The following ARL6IP1 variants were observed in gnomAD, a reference collection of about 807,000 sequenced individuals.
The protein encoded by ARL6IP1 is ARL6 interacting reticulophagy regulator 1.
Under a neutral mutation model 30.1 loss-of-function variants are expected in ARL6IP1, and 16 were observed. The ratio of observed to expected loss-of-function variants is 0.53; its 90% CI spans 0.36 to 0.81. The LOEUF (loss-of-function observed/expected upper bound fraction) is 0.81. ARL6IP1 is among the 30% of genes least tolerant of loss of function. The pLI, the probability that ARL6IP1 is intolerant of heterozygous loss-of-function variation, is 0.01. For synonymous variants in ARL6IP1, 72 were observed against 84.8 expected (o/e 0.85, Z 0.83); for missense variants, 173 against 242.7 (o/e 0.71, Z 1.91).
At chr16:18,800,442 T>G (rs1026650428) in intron 1 of ARL6IP1, among the ~76,000 whole-genome samples, 3 of 152,206 alleles carry the variant, frequency 2.0e-5, no homozygotes, top group Non-Finnish European at 4.4e-5. Flanking sequence ...TACTTCTCTG[T>G]GCTTCAATTA....
At chr16:18,796,533 G>A (rs563519676) in intron 3 of ARL6IP1, among the ~76,000 whole-genome samples, 1 of 152,322 alleles carries the variant, frequency 6.6e-6, no homozygotes, top group South Asian at 2.1e-4. Context: ...AACTATCAGT[G>A]GTTATTTCTG....
At chr16:18,794,754 TC>T in intron 4 of ARL6IP1, 71 bp from the exon 5 acceptor site, 1 of 1,104,258 alleles carries the variant, frequency 9.1e-7, no homozygotes, top group Admixed American at 2.1e-5. Flanking sequence ...TTTTTATTTG[TC>T]AATTAAAGAA....
intron 1 of ARL6IP1, among the ~76,000 whole-genome samples, chr16:18,801,029 GA>G (rs1424844759): frequency 6.6e-6 from 1 of 152,230 alleles, no homozygotes; most frequent in African/African-American, 2.4e-5. Context: ...GTTTTAGGGG[GA>G]AAAGAAGGCA....
chr16:18,799,971 C>CG lies in ARL6IP1; in HGVS notation c.37-1138dup, dbSNP rs1411565326. 6.6e-5 allele frequency among the ~76,000 whole-genome samples: 10 copies of CG among 152,136 alleles called. No homozygotes were observed. The East Asian group carries it at 7.7e-4, about 12-fold the overall frequency. On this transcript the variant is annotated intron_variant, in intron 1 of 5. Coordinates refer to ENST00000304414, the MANE Select transcript of ARL6IP1 (RefSeq NM_015161.3). ...CCTGTAAACCCAGCACTTGGCGGGT[C>CG]GGGGGGGATTGCTTGAGCCCAGGAG...
intron 4 of ARL6IP1, chr16:18,795,093 C>G: frequency 4.8e-6 from 1 of 210,374 alleles, no homozygotes. Context: ...CAGCTCACTG[C>G]GCAAACACAG....
chr16:18,796,026 T>A (rs1216929727), intron 3 of ARL6IP1, among the ~76,000 whole-genome samples: 1 of 152,218 alleles, frequency 6.6e-6, no homozygotes, highest in Non-Finnish European at 1.5e-5. Context: ...TACTAACTAC[T>A]GGCATTTAAC....
rs763110010 is a variant in ARL6IP1, at chr16:18,798,016, G to A, written c.199C>T (p.Leu67=). The part of the protein sequence containing the change: ...LIIYYLDPSV[L]SGVSCFVMFL... ...ATAACAAAACAGGAAACGCCGGACA[G>A]AACAGATGGATCTAGATAGTAGATA... The change falls in exon 3 of 6, where the codon CTG becomes TTG. Residue 67 remains leucine, a synonymous_variant. Transcript: ENST00000304414. 5.9e-5 allele frequency: 95 copies of A among 1,612,788 alleles called. No homozygotes were observed. The Admixed American group carries it at 1.5e-3, about 26-fold the overall frequency.
intron 3 of ARL6IP1, among the ~76,000 whole-genome samples, chr16:18,796,445 C>CA (rs1448447494): frequency 4.6e-5 from 7 of 152,166 alleles, no homozygotes; most frequent in African/African-American, 1.4e-4. Context: ...TGTGGCTATG[C>CA]AAAAGAGTAT....
At chr16:18,799,259 ACCT>A (rs1325985089) in intron 1 of ARL6IP1, among the ~76,000 whole-genome samples, 1 of 152,108 alleles carries the variant, frequency 6.6e-6, no homozygotes, top group Non-Finnish European at 1.5e-5. Context: ...TGATCCACTC[ACCT>A]CGTCTTCCCA....
chr16:18,796,837 C>CT (rs1252102320), intron 3 of ARL6IP1, among the ~76,000 whole-genome samples: 3 of 152,152 alleles, frequency 2.0e-5, no homozygotes, highest in African/African-American at 7.2e-5. Flanking sequence ...ATTTAAAATT[C>CT]TTATATTTAC....
chr16:18,793,016 C>A lies in ARL6IP1; in HGVS notation c.*236G>T. The A allele has an allele frequency of 2.8e-6, 1 of 352,128 alleles. No homozygotes were observed. Among genetic ancestry groups the A allele is most frequent in the Non-Finnish European group, 5.1e-6 (1 of 194,702 alleles). 21.8% of individuals were successfully genotyped at this position (352,128 alleles called of 1,614,324 possible). A position where few individuals can be genotyped will look rare whatever the true frequency, so the allele number is the denominator to read the frequency against. On this transcript the variant is annotated 3_prime_UTR_variant, in exon 6 of 6. Coordinates refer to ENST00000304414, the MANE Select transcript of ARL6IP1 (RefSeq NM_015161.3). ...TCAATTAACGCTGGGTAAGAAAAGT[C>A]AAAACACTAATGAGTTGTCCATGAA...
intron 4 of ARL6IP1, 59 bp from the exon 5 acceptor site, chr16:18,794,742 A>G: frequency 8.3e-7 from 1 of 1,205,452 alleles, no homozygotes; most frequent in Non-Finnish European, 1.2e-6. Flanking sequence ...AAATATATGT[A>G]ATTTTTATTT....
chr16:18,798,257 T>A (rs1182475181), intron 2 of ARL6IP1: 2 of 425,180 alleles, frequency 4.7e-6, no homozygotes, highest in Non-Finnish European at 8.4e-6. Context: ...ACAAAAGCTC[T>A]TTGGAGTTCT....
intron 2 of ARL6IP1, 140 bp downstream of exon 2, chr16:18,798,561 T>C: frequency 1.1e-6 from 1 of 927,090 alleles, no homozygotes; most frequent in Non-Finnish European, 1.5e-6. Context: ...CTAGAAGTGC[T>C]TATGAGAAAC....
intron 5 of ARL6IP1, 105 bp downstream of exon 5, chr16:18,794,494 C>T: frequency 1.3e-6 from 1 of 744,348 alleles, no homozygotes; most frequent in Admixed American, 2.4e-5. Context: ...CCCACAGTTC[C>T]TTTTCGGTGT....
chr16:18,797,857 T>C, intron 3 of ARL6IP1, 68 bp downstream of exon 3: 1 of 1,562,016 alleles, frequency 6.4e-7, no homozygotes, highest in Non-Finnish European at 8.7e-7. Context: ...ATTTACAGCA[T>C]ACTAATCACA....
chr16:18,798,138 C>T lies in ARL6IP1; in HGVS notation c.171-94G>A, dbSNP rs557698575. The T allele has an allele frequency of 6.1e-5, 75 of 1,220,374 alleles. No individual in the cohort carries two copies. In the African/African-American group the frequency reaches 1.1e-3, roughly 19 times the overall value. 75.6% of individuals were successfully genotyped at this position (1,220,374 alleles called of 1,614,324 possible). A position where few individuals can be genotyped will look rare whatever the true frequency, so the allele number is the denominator to read the frequency against. ...TAACTATTCACTTAACTATTCACCGCCTCTCAGAGATATTTGCCATTTTTC... is the reference window on the plus strand; with the variant it reads ...TAACTATTCACTTAACTATTCACCGTCTCTCAGAGATATTTGCCATTTTTC... On this transcript the variant is annotated intron_variant, in intron 2 of 5. Coordinates refer to ENST00000304414, the MANE Select transcript of ARL6IP1 (RefSeq NM_015161.3).
At chr16:18,800,867 C>G (rs2030385449) in intron 1 of ARL6IP1, among the ~76,000 whole-genome samples, 1 of 151,962 alleles carries the variant, frequency 6.6e-6, no homozygotes, top group South Asian at 2.1e-4. Context: ...CTTCCAAATT[C>G]CAGACAAACG....
chr16:18,801,010 C>A (rs1408409768), intron 1 of ARL6IP1, among the ~76,000 whole-genome samples: 2 of 152,250 alleles, frequency 1.3e-5, no homozygotes, highest in East Asian at 3.8e-4. Flanking sequence ...ACCCTCCACC[C>A]TTGTCCAAGT....
Sources: allele counts gnomAD v4.1 joint callset (sites outside exome capture counted in the v4.1 genomes callset), GRCh38; gene constraint gnomAD v4.1.1; transcripts MANE v1.5; gene names NCBI Gene and HGNC (gene_info 2026-07-23, HGNC 2026-07-21).